TRIB1: variants seen among roughly 807,000 people sequenced by gnomAD.
TRIB1 encodes the protein tribbles homolog 1.
Under a neutral mutation model 27.8 loss-of-function variants are expected in TRIB1, and 12 were observed. That is an observed-to-expected ratio of 0.43 (90% confidence interval 0.28 to 0.70). TRIB1 has a LOEUF of 0.70. Among genes scored for constraint, TRIB1 ranks in the 30% least tolerant of loss-of-function variants. TRIB1 has a pLI of 0.18. For synonymous variants in TRIB1, 230 were observed against 224.9 expected, an observed-to-expected ratio of 1.02 and a Z score of -0.20; for missense variants, 475 against 515.8, an observed-to-expected ratio of 0.92 and a Z score of 0.77.
chr8:125,436,502 T>G lies in TRIB1; in HGVS notation c.*31T>G, dbSNP rs1164893975. On this transcript the variant is annotated 3_prime_UTR_variant, in exon 3 of 3. Transcript: ENST00000311922. ...AAAACCTCAGAAACCTCATAATTCT[T>G]AACACCTGGCATTTCCATTTCTAAA... 1.1e-5 allele frequency: 17 copies of G among 1,597,506 alleles called. No individual in the cohort carries two copies. The highest frequency in any genetic ancestry group is 1.5e-5 in the Non-Finnish European group (17 of 1,167,172).
chr8:125,430,673 A>T lies in TRIB1; in HGVS notation c.-230A>T. On this transcript the variant is annotated 5_prime_UTR_variant, in exon 1 of 3. Coordinates refer to ENST00000311922, the MANE Select transcript of TRIB1 (RefSeq NM_025195.4). ...AGCCCTTGCCTGCGGGGGTCCGGGG[A>T]CTCGAGCCGGCCTCCGCCTCCCGGA... The T allele has an allele frequency of 2.3e-6, 1 of 432,872 alleles. No individual in the cohort carries two copies. Among genetic ancestry groups the T allele is most frequent in the Non-Finnish European group, 3.9e-6 (1 of 259,660 alleles). 26.8% of individuals were successfully genotyped at this position (432,872 alleles called of 1,614,324 possible). A position where few individuals can be genotyped will look rare whatever the true frequency, so the allele number is the denominator to read the frequency against.
At position 125,433,278 on chromosome 8, in the gene TRIB1, T is replaced by C. The variant is rs1437419100; in HGVS notation, c.361-39T>C. 1 of 1,590,088 alleles carries C rather than the reference T, an allele frequency of 6.3e-7. No individual in the cohort carries two copies. Among genetic ancestry groups the C allele is most frequent in the Non-Finnish European group, 8.6e-7 (1 of 1,163,278 alleles). ...CAGGGGTTTGGGAGGCTGCCTTTGC[T>C]TTTCTAGCCCCCTAAACGGGCCCCC... is the stretch of plus-strand genomic sequence containing the variant. On this transcript the variant is annotated intron_variant, in intron 1 of 2. Coordinates refer to ENST00000311922, the MANE Select transcript of TRIB1 (RefSeq NM_025195.4). This position sits in a 1 kb window ranked among gnomAD's most constrained non-coding sequence, Gnocchi z 4.4.
At chr8:125,431,601 T>C (rs1814658156) in intron 1 of TRIB1, among the ~76,000 whole-genome samples, 1 of 152,070 alleles carries the variant, frequency 6.6e-6, no homozygotes, top group African/African-American at 2.4e-5. Context: ...TTCTCCTCGC[T>C]CTCCACCCCC....
rs765931219 is a variant in TRIB1, at chr8:125,431,153, G to T, written c.251G>T (p.Ser84Ile). Residue 84 changes from serine to isoleucine, a missense_variant, in exon 1 of 3, where the codon AGC becomes ATC. Physicochemically the swap from Ser to Ile is moderately radical, Grantham distance 142. Coordinates refer to ENST00000311922, the MANE Select transcript of TRIB1 (RefSeq NM_025195.4). ...CCGGGGGCCGGCGGAGGCTCCGGGA[G>T]CGCGCCGGGGCCCAGCCGCATCGCC... The part of the protein sequence containing the change: ...AAPGAGGGSG[S>I]APGPSRIADY... 2.4e-4 allele frequency: 311 copies of T among 1,308,842 alleles called. 2 individuals are homozygous for T. In the Middle Eastern group the frequency reaches 3.5e-3, roughly 15 times the overall value. 81.1% of individuals were successfully genotyped at this position (1,308,842 alleles called of 1,614,324 possible). A position where few individuals can be genotyped will look rare whatever the true frequency, so the allele number is the denominator to read the frequency against.
intron 2 of TRIB1, among the ~76,000 whole-genome samples, chr8:125,435,356 G>A (rs1237981106): frequency 6.6e-6 from 1 of 152,160 alleles, no homozygotes; most frequent in Admixed American, 6.5e-5. Context: ...TCCAGGCAAA[G>A]TGTTCTTTGC....
chr8:125,431,269 G>A lies in TRIB1; in HGVS notation c.360+7G>A. On this transcript the variant is annotated splice_region_variant and intron_variant, in intron 1 of 2. Coordinates refer to ENST00000311922, the MANE Select transcript of TRIB1 (RefSeq NM_025195.4). Reference sequence around the variant, plus strand: ...ACGCGAGCTGCGCTGCAAGGTAGGCGCTCCCGGGCCAGGACCCGGCTGGGG... The same window carrying A: ...ACGCGAGCTGCGCTGCAAGGTAGGCACTCCCGGGCCAGGACCCGGCTGGGG... 8.0e-7 allele frequency: 1 copy of A among 1,255,836 alleles called. No homozygotes were observed. Among genetic ancestry groups the A allele is most frequent in the East Asian group, 3.1e-5 (1 of 32,232 alleles). 77.8% of individuals were successfully genotyped at this position (1,255,836 alleles called of 1,614,324 possible).
intron 2 of TRIB1, among the ~76,000 whole-genome samples, chr8:125,434,837 A>G (rs768914463): frequency 2.7e-4 from 41 of 152,056 alleles, no homozygotes; most frequent in Non-Finnish European, 4.7e-4. Flanking sequence ...TACAGAACCA[A>G]TGGGTATTTT....
chr8:125,432,538 A>T (rs1172847180), intron 1 of TRIB1, among the ~76,000 whole-genome samples: 2 of 152,100 alleles, frequency 1.3e-5, no homozygotes, highest in Admixed American at 6.6e-5. Context: ...GATATGAGTA[A>T]CTGGACTGAA....
Position 125,433,601 on chromosome 8 carries a change from G to C in TRIB1, c.645G>C (p.Thr215=), listed in dbSNP as rs562763905. ...AGCTTAGGAAGTTCGTCTTCTCCAC[G>C]GAGGAGAGGTGAGCGGCCGCCACAG... ...DLKLRKFVFS[T]EERTQLRLES... The change falls in exon 2 of 3, where the codon ACG becomes ACC. Residue 215 remains threonine (T), a synonymous_variant. Transcript: ENST00000311922. The surrounding 1 kb of genome is among the most constrained non-coding windows in gnomAD (Gnocchi z 4.4). 1 of 1,604,046 alleles carries C rather than the reference G, an allele frequency of 6.2e-7. No individual in the cohort carries two copies.
At chr8:125,432,022 A>G (rs1814664670) in intron 1 of TRIB1, among the ~76,000 whole-genome samples, 1 of 152,204 alleles carries the variant, frequency 6.6e-6, no homozygotes, top group South Asian at 2.1e-4. Context: ...GGGTAGACGC[A>G]GAACGTTCCC....
At position 125,433,728 on chromosome 8, in the gene TRIB1, T is replaced by C; in HGVS notation, c.653+119T>C. 8.0e-7 allele frequency: 1 copy of C among 1,246,816 alleles called. No individual in the cohort carries two copies. The highest frequency in any genetic ancestry group is 1.5e-5 in the African/African-American group (1 of 66,402). 77.2% of individuals were successfully genotyped at this position (1,246,816 alleles called of 1,614,324 possible). On this transcript the variant is annotated intron_variant, in intron 2 of 2. Coordinates refer to ENST00000311922, the MANE Select transcript of TRIB1 (RefSeq NM_025195.4). This position sits in a 1 kb window ranked among gnomAD's most constrained non-coding sequence, Gnocchi z 4.4. The stretch of plus-strand genomic sequence containing the variant: ...AGTCAAGGGCTCATATGTCCCAGAT[T>C]TAGTATTTAGAGCTTCTGTTCCTGA...
Position 125,433,314 on chromosome 8 carries a change from C to T in TRIB1, c.361-3C>T, listed in dbSNP as rs1468427916. On this transcript the variant is annotated splice_polypyrimidine_tract_variant and splice_region_variant and intron_variant, in intron 1 of 2. Coordinates refer to ENST00000311922, the MANE Select transcript of TRIB1 (RefSeq NM_025195.4). This position sits in a 1 kb window ranked among gnomAD's most constrained non-coding sequence, Gnocchi z 4.4. The stretch of plus-strand genomic sequence containing the variant: ...CCTAAACGGGCCCCCCTTCTCTCTA[C>T]AGGTGTTTCCCATTAAACACTACCA... The T allele has an allele frequency of 6.2e-7, 1 of 1,612,034 alleles. No individual in the cohort carries two copies. Among genetic ancestry groups the T allele is most frequent in the Non-Finnish European group, 8.5e-7 (1 of 1,178,366 alleles).
At position 125,436,285 on chromosome 8, in the gene TRIB1, C is replaced by A. The variant is rs769032087; in HGVS notation, c.933C>A (p.Ala311=). Residue 311 remains alanine (A), a synonymous_variant, in exon 3 of 3, where the codon GCC becomes GCA. Coordinates refer to ENST00000311922, the MANE Select transcript of TRIB1 (RefSeq NM_025195.4). ...FCIPEHISPK[A]RCLIRSLLRR... is the part of the protein sequence containing the mutation. ...TTCCTGAGCACATTTCCCCCAAAGC[C>A]AGGTGCCTCATTCGCAGCCTCTTGA... 1.2e-6 allele frequency: 2 copies of A among 1,614,094 alleles called. No homozygotes were observed. Among genetic ancestry groups the A allele is most frequent in the Admixed American group, 1.7e-5 (1 of 60,010 alleles).
chr8:125,433,548 C>T lies in TRIB1; in HGVS notation c.592C>T (p.Gln198Ter). 1 of 1,613,766 alleles carries T rather than the reference C, an allele frequency of 6.2e-7. No homozygotes were observed. Among genetic ancestry groups the T allele is most frequent in the Non-Finnish European group, 8.5e-7 (1 of 1,179,738 alleles). Reference sequence around the variant, plus strand: ...TGTCTCCGCCGTCGCCCACTGCCACCAGTCAGCCATCGTGCTGGGGGACCT... The same window carrying T: ...TGTCTCCGCCGTCGCCCACTGCCACTAGTCAGCCATCGTGCTGGGGGACCT... ...QIVSAVAHCH[Q>*]SAIVLGDLKL... Residue 198 changes from glutamine to a stop codon, truncating the protein, a stop_gained, in exon 2 of 3, where the codon CAG becomes TAG. Coordinates refer to ENST00000311922, the MANE Select transcript of TRIB1 (RefSeq NM_025195.4). LOFTEE classifies it high-confidence loss of function. This position sits in a 1 kb window ranked among gnomAD's most constrained non-coding sequence, Gnocchi z 4.4.
rs575121683 is a variant in TRIB1, at chr8:125,438,167, G to A, written c.*1696G>A. 16 of 152,870 alleles carry A rather than the reference G, an allele frequency of 1.0e-4. No homozygotes were observed. Among genetic ancestry groups the A allele is most frequent in the African/African-American group, 3.6e-4 (15 of 41,552 alleles). 9.5% of individuals were successfully genotyped at this position (152,870 alleles called of 1,614,324 possible). A position where few individuals can be genotyped will look rare whatever the true frequency, so the allele number is the denominator to read the frequency against. On this transcript the variant is annotated 3_prime_UTR_variant, in exon 3 of 3. Coordinates refer to ENST00000311922, the MANE Select transcript of TRIB1 (RefSeq NM_025195.4). The stretch of plus-strand genomic sequence containing the variant: ...GATTATTGGCAATATTACCTTGACA[G>A]AATCATGGGACTTTGAGAAGAGGGA...
In TRIB1 at chr8:125,430,843, G is replaced by C; in HGVS notation, c.-60G>C. 7.4e-7 allele frequency: 1 copy of C among 1,358,842 alleles called. No homozygotes were observed. Among genetic ancestry groups the C allele is most frequent in the Non-Finnish European group, 9.4e-7 (1 of 1,061,772 alleles). The allele number at this position is 1,358,842 out of a possible 1,614,324, so 84.2% of individuals were successfully genotyped here. On this transcript the variant is annotated 5_prime_UTR_variant, in exon 1 of 3. Transcript: ENST00000311922. ...TCGCGGAGCCGGCACCAAACCCGCA[G>C]CGTCTTCCCGCGCGGATCCCGGGAC...
At chr8:125,431,452 G>T (rs888260479) in intron 1 of TRIB1, among the ~76,000 whole-genome samples, 190 bp downstream of exon 1, 2 of 152,210 alleles carry the variant, frequency 1.3e-5, no homozygotes, top group Non-Finnish European at 2.9e-5. Flanking sequence ...GTGATATAAT[G>T]GGGGCGCCTA....
intron 2 of TRIB1, among the ~76,000 whole-genome samples, chr8:125,434,764 G>A (rs1240995512): frequency 6.6e-6 from 1 of 152,190 alleles, no homozygotes; most frequent in African/African-American, 2.4e-5. Context: ...CACAGGTGCA[G>A]GGTTTTAGTG....
chr8:125,434,722 C>A (rs1814719937), intron 2 of TRIB1, among the ~76,000 whole-genome samples: 1 of 152,166 alleles, frequency 6.6e-6, no homozygotes, highest in Non-Finnish European at 1.5e-5. Flanking sequence ...GGGGGTTAAG[C>A]AATGTCAGGC....
Sources: gnomAD v4.1 joint callset for allele counts (sites outside exome capture counted in the v4.1 genomes callset) on GRCh38, gnomAD v4.1.1 for gene constraint, Gnocchi (gnomAD v3.1) non-coding constraint, MANE v1.5 for transcripts, NCBI Gene and HGNC (gene_info 2026-07-23, HGNC 2026-07-21) for gene names.